Variants in TNRC6A observed in about 807,000 individuals in gnomAD.
TNRC6A encodes the protein trinucleotide repeat-containing gene 6A protein.
A neutral mutation model predicts 221.2 loss-of-function variants in TNRC6A; 44 were observed. The ratio of observed to expected loss-of-function variants is 0.20; its 90% CI spans 0.16 to 0.26. The LOEUF (loss-of-function observed/expected upper bound fraction) is 0.26. Ranked by LOEUF, TNRC6A falls within the 10% of genes least tolerant of loss-of-function variation. The probability of loss-of-function intolerance (pLI) is 1.00; values close to 1 mark genes in which losing one functional copy is unlikely to be tolerated. For synonymous variants in TNRC6A, 847 were observed against 838.5 expected (o/e 1.01, Z -0.18); for missense variants, 2,199 against 2,404.4 (o/e 0.91, Z 1.79).
At chr16:24,672,191 G>A (rs1432371177) in intron 2 of TNRC6A, among the ~76,000 whole-genome samples, 2 of 151,994 alleles carry the variant, frequency 1.3e-5, no homozygotes, top group African/African-American at 2.4e-5. Context: ...GCGTGATCTC[G>A]GCTCACTGCA....
At chr16:24,763,665 A>AC (rs781699072) in intron 4 of TNRC6A, among the ~76,000 whole-genome samples, 1 of 152,144 alleles carries the variant, frequency 6.6e-6, no homozygotes, top group Non-Finnish European at 1.5e-5. Flanking sequence ...TGAAATACTT[A>AC]CTGTTTGCCT....
At chr16:24,750,331 G>C (rs1361286358) in intron 2 of TNRC6A, among the ~76,000 whole-genome samples, 3 of 152,160 alleles carry the variant, frequency 2.0e-5, no homozygotes, top group East Asian at 3.8e-4. Context: ...AGGTGAGAGA[G>C]GATTGTGGGG....
chr16:24,777,106 C>CAG lies in TNRC6A; in HGVS notation c.337_338insAG (p.Pro113GlnfsTer38). ...GCAGCAGCAGCAGCCACAGCAGCAGCCACAGCCGCAGCCGCAGCAGCAGCA... is the reference window on the plus strand; with the variant it reads ...GCAGCAGCAGCAGCCACAGCAGCAGCAGCACAGCCGCAGCCGCAGCAGCAGCA... On this transcript the variant is annotated frameshift_variant, in exon 5 of 25. Transcript: ENST00000395799. LOFTEE classifies it high-confidence loss of function. 9.2e-7 allele frequency: 1 copy of CAG among 1,091,188 alleles called. No individual in the cohort carries two copies. The highest frequency in any genetic ancestry group is 1.5e-5 in the South Asian group (1 of 65,592). The allele number at this position is 1,091,188 out of a possible 1,614,324, so 67.6% of individuals were successfully genotyped here.
intron 2 of TNRC6A, among the ~76,000 whole-genome samples, chr16:24,738,199 G>C (rs1389869143): frequency 6.6e-6 from 1 of 152,144 alleles, no homozygotes; most frequent in Non-Finnish European, 1.5e-5. Context: ...ATTTAGCACT[G>C]TCCCTTCCAC....
intron 2 of TNRC6A, among the ~76,000 whole-genome samples, chr16:24,747,684 G>T (rs1187691893): frequency 6.6e-6 from 1 of 152,220 alleles, no homozygotes; most frequent in Admixed American, 6.5e-5. Context: ...ATGGGAAAAA[G>T]CATGACTGGT....
In TNRC6A at chr16:24,625,388, C is replaced by T. The variant is rs577452296; in HGVS notation, n.276+14904C>T. Reference sequence around the variant, plus strand: ...CAGCACTTTGGGAGGCCAAGGCGGGCGGATCACAAGGTCAGGAGTTCGAGA... The same window carrying T: ...CAGCACTTTGGGAGGCCAAGGCGGGTGGATCACAAGGTCAGGAGTTCGAGA... On this transcript the variant is annotated intron_variant and non_coding_transcript_variant, in intron 1 of 2. Transcript: ENST00000566108. Among the ~76,000 whole-genome samples the T allele has an allele frequency of 5.3e-5, 8 of 152,080 alleles. No homozygotes were observed. In the East Asian group the frequency reaches 7.8e-4, roughly 15 times the overall value.
rs2056231664 is a variant in TNRC6A at position 24,712,907 on chromosome 16, C to CTGTGTGTGTGTGTGTGTA, written n.403-37802_403-37801insATGTGTGTGTGTGTGTGT. Among the ~76,000 whole-genome samples, 7 of 126,776 alleles carry CTGTGTGTGTGTGTGTGTA rather than the reference C, an allele frequency of 5.5e-5. No individual in the cohort carries two copies. In the East Asian group the frequency reaches 1.5e-3, roughly 27 times the overall value. 83.2% of individuals were successfully genotyped at this position (126,776 alleles called of 152,430 possible). ...AATTTGGGGCCATAGTTATGTGCCA[C>CTGTGTGTGTGTGTGTGTA]TGTGTGTGTGTGTGTGTGTGTGTGT... On this transcript the variant is annotated intron_variant and non_coding_transcript_variant, in intron 2 of 2. Transcript: ENST00000566108.
intron 1 of TNRC6A, among the ~76,000 whole-genome samples, chr16:24,622,095 C>G (rs1343427596): frequency 6.7e-6 from 1 of 150,338 alleles, no homozygotes; most frequent in East Asian, 1.9e-4. Flanking sequence ...TCTGGCCAAC[C>G]AGTGTTTTTT....
intron 1 of TNRC6A, among the ~76,000 whole-genome samples, chr16:24,615,265 AGAG>A (rs1245212619): frequency 1.3e-5 from 2 of 152,238 alleles, no homozygotes; most frequent in Non-Finnish European, 2.9e-5. Flanking sequence ...AAAGACTAGG[AGAG>A]GAGAAGAGTA....
chr16:24,665,375 T>G (rs2141951947), intron 2 of TNRC6A, among the ~76,000 whole-genome samples: 1 of 152,226 alleles, frequency 6.6e-6, no homozygotes, highest in Non-Finnish European at 1.5e-5. Flanking sequence ...ACATTCAGCC[T>G]GGAAAGAATT....
chr16:24,620,214 G>C (rs986604258), intron 1 of TNRC6A, among the ~76,000 whole-genome samples: 1 of 151,662 alleles, frequency 6.6e-6, no homozygotes, highest in Non-Finnish European at 1.5e-5. Flanking sequence ...TACTAGCTTC[G>C]TGGCATTGAG....
intron 2 of TNRC6A, among the ~76,000 whole-genome samples, chr16:24,702,090 C>T (rs72768646): frequency 3.3e-5 from 4 of 120,886 alleles, no homozygotes; most frequent in Non-Finnish European, 3.2e-5. Context: ...ACTCTATTTT[C>T]TTTTCTTTTC....
At position 24,767,476 on chromosome 16, in the gene TNRC6A, T is replaced by C. The variant is rs964954901; in HGVS notation, c.163+9116T>C. Among the ~76,000 whole-genome samples, 2 of 152,222 alleles carry C rather than the reference T, an allele frequency of 1.3e-5. 1 individual carries two copies. The highest frequency in any genetic ancestry group is 3.8e-4 in the East Asian group (2 of 5,204). On this transcript the variant is annotated intron_variant, in intron 4 of 24. Coordinates refer to ENST00000395799, the MANE Select transcript of TNRC6A (RefSeq NM_014494.4). ...GGTATTTTCCAGTTTCCCTTTTAAATTGGAATATACACATTTGAAAAAATA... is the reference window on the plus strand; with the variant it reads ...GGTATTTTCCAGTTTCCCTTTTAAACTGGAATATACACATTTGAAAAAATA...
chr16:24,746,716 T>C (rs930719198), intron 2 of TNRC6A, among the ~76,000 whole-genome samples: 1 of 152,162 alleles, frequency 6.6e-6, no homozygotes, highest in Non-Finnish European at 1.5e-5. Context: ...TTAGTGCTAG[T>C]CCATACATAC....
intron 17 of TNRC6A, among the ~76,000 whole-genome samples, chr16:24,807,811 T>C (rs2058466129): frequency 6.6e-6 from 1 of 152,220 alleles, no homozygotes; most frequent in African/African-American, 2.4e-5. Context: ...TCTCTTTTCC[T>C]ATACAGTGGT....
In TNRC6A at chr16:24,809,452, C is replaced by T; in HGVS notation, c.4643C>T (p.Thr1548Ile). The change falls in exon 18 of 25, where the codon ACA (threonine) becomes ATA (isoleucine). Residue 1548 changes from threonine (T) to isoleucine (I), a missense_variant. Physicochemically the swap from Thr to Ile is moderately conservative, Grantham distance 89 (BLOSUM62 -1). Around this residue, in one of 8 missense-constraint regions of TNRC6A, gnomAD observed 449 missense variants for 579.7 expected, o/e 0.77. Coordinates refer to ENST00000395799, the MANE Select transcript of TNRC6A (RefSeq NM_014494.4). ...ACAGTGGACAGCATTTCTGTGAACA[C>T]ATCTTTGGATCAAAACTCCAGCAAA... The part of the protein sequence containing the change: ...WTTVDSISVN[T>I]SLDQNSSKHG... The T allele has an allele frequency of 6.4e-7, 1 of 1,553,760 alleles. No homozygotes were observed. The highest frequency in any genetic ancestry group is 8.7e-7 in the Non-Finnish European group (1 of 1,147,640).
At chr16:24,738,942 C>G (rs1010488171) in intron 2 of TNRC6A, among the ~76,000 whole-genome samples, 5 of 152,220 alleles carry the variant, frequency 3.3e-5, no homozygotes, top group Non-Finnish European at 7.3e-5. Context: ...CAACCTCCCA[C>G]CTTCCAGGCT....
chr16:24,748,464 G>A (rs925895622), intron 2 of TNRC6A, among the ~76,000 whole-genome samples: 2 of 152,114 alleles, frequency 1.3e-5, no homozygotes, highest in African/African-American at 2.4e-5. Context: ...CATGGCCACA[G>A]TTGGCAGGAA....
chr16:24,651,613 C>G (rs1902666705), intron 2 of TNRC6A, among the ~76,000 whole-genome samples: 1 of 149,286 alleles, frequency 6.7e-6, no homozygotes, highest in Non-Finnish European at 1.5e-5. Flanking sequence ...AATCCCAGCA[C>G]TTTGGGAGGC....
Sources: gnomAD v4.1 joint callset for allele counts (sites outside exome capture counted in the v4.1 genomes callset) on GRCh38, gnomAD v4.1.1 for gene constraint, gnomAD v4.1.1 regional missense constraint, MANE v1.5 for transcripts, NCBI Gene and HGNC (gene_info 2026-07-23, HGNC 2026-07-21) for gene names.